SESN2: variants seen among roughly 807,000 people sequenced by gnomAD.
The protein encoded by SESN2 is sestrin-2.
SESN2 carries 42 observed loss-of-function variants against 56.0 expected under a neutral mutation model. That is an observed-to-expected ratio of 0.75 (90% confidence interval 0.59 to 0.97). The LOEUF is 0.97. Ranked by LOEUF, SESN2 falls within the 50% of genes least tolerant of loss-of-function variation. The probability of loss-of-function intolerance (pLI) is 0.00; values close to 1 mark genes in which losing one functional copy is unlikely to be tolerated. For missense variants in SESN2, 507 were observed against 649.4 expected (o/e 0.78, Z 2.38); for synonymous variants, 264 against 267.1 (o/e 0.99, Z 0.11).
rs200768868 is a variant in SESN2 at position 28,280,694 on chromosome 1, C to T, written c.1357-22C>T. The T allele has an allele frequency of 3.7e-6, 6 of 1,602,568 alleles. No individual in the cohort carries two copies. The East Asian group carries it at 1.3e-4, about 36-fold the overall frequency. On this transcript the variant is annotated intron_variant, in intron 9 of 9. Transcript: ENST00000253063. ...GGTGAGGAGTGACATCAGTTGCCAA[C>T]ATGCCTTCCTCTGTGCCCCAGGTCC... is the stretch of plus-strand genomic sequence containing the variant.
chr1:28,268,145 G>A (rs1647623194), intron 1 of SESN2, among the ~76,000 whole-genome samples: 1 of 152,180 alleles, frequency 6.6e-6, no homozygotes, highest in Non-Finnish European at 1.5e-5. Context: ...ACTGGGTAGA[G>A]GATGGATAGG....
At position 28,279,270 on chromosome 1, in the gene SESN2, G is replaced by GA. The variant is rs764983582; in HGVS notation, c.1356+31dup. The GA allele has an allele frequency of 8.1e-6, 13 of 1,612,694 alleles. No homozygotes were observed. The Admixed American group carries it at 2.2e-4, about 27-fold the overall frequency. Reference sequence around the variant, plus strand: ...TGACCTATACAGGCAGGGCAGGATGGAAGTAGACAGGCCAAGCCAGTGGAG... The same window carrying GA: ...TGACCTATACAGGCAGGGCAGGATGGAAAGTAGACAGGCCAAGCCAGTGGAG... On this transcript the variant is annotated intron_variant, in intron 9 of 9. Coordinates refer to ENST00000253063, the MANE Select transcript of SESN2 (RefSeq NM_031459.5).
At chr1:28,273,822 A>G (rs1241070960) in intron 6 of SESN2, among the ~76,000 whole-genome samples, 2 of 152,068 alleles carry the variant, frequency 1.3e-5, no homozygotes, top group Admixed American at 6.5e-5. Flanking sequence ...AACTGCCACT[A>G]TTGTTGTTAC....
At chr1:28,272,521 C>T in intron 4 of SESN2, 55 bp downstream of exon 4, 1 of 1,609,120 alleles carries the variant, frequency 6.2e-7, no homozygotes, top group Non-Finnish European at 8.5e-7. Context: ...TGGCTGGTGC[C>T]TGGTGGGTAA....
intron 9 of SESN2, 121 bp from the exon 10 acceptor site, chr1:28,280,595 T>A: frequency 1.3e-6 from 1 of 759,080 alleles, no homozygotes; most frequent in Non-Finnish European, 2.3e-6. Context: ...TAGCAGATGC[T>A]GGGGCAGCTC....
Position 28,259,806 on chromosome 1 carries a change from C to T in SESN2, c.-42C>T, listed in dbSNP as rs1647304315. 2 of 1,349,266 alleles carry T rather than the reference C, an allele frequency of 1.5e-6. No homozygotes were observed. The highest frequency in any genetic ancestry group is 1.9e-6 in the Non-Finnish European group (2 of 1,044,328). 83.6% of individuals were successfully genotyped at this position (1,349,266 alleles called of 1,614,324 possible). The stretch of plus-strand genomic sequence containing the variant: ...CGTCCCTCCGAAACCCACTCGGGTG[C>T]ACGGGTCGTCGGCGAGCCGCGACCG... On this transcript the variant is annotated 5_prime_UTR_variant, in exon 1 of 10. Transcript: ENST00000253063.
At chr1:28,272,009 T>G in intron 3 of SESN2, 138 bp downstream of exon 3, 1 of 930,870 alleles carries the variant, frequency 1.1e-6, no homozygotes, top group Non-Finnish European at 1.6e-6. Context: ...TGTAGAGTTT[T>G]GGGTTTTTTG....
At chr1:28,266,982 G>C (rs1003451371) in intron 1 of SESN2, among the ~76,000 whole-genome samples, 1 of 152,170 alleles carries the variant, frequency 6.6e-6, no homozygotes, top group African/African-American at 2.4e-5. Context: ...AGTGAGTTGG[G>C]ATTCCCAAGG....
At position 28,280,901 on chromosome 1, in the gene SESN2, C is replaced by T. The variant is rs1221299098; in HGVS notation, c.*99C>T. The T allele has an allele frequency of 1.1e-5, 10 of 871,590 alleles. No individual in the cohort carries two copies. Among genetic ancestry groups the T allele is most frequent in the South Asian group, 4.2e-5 (3 of 71,118 alleles). The allele number at this position is 871,590 out of a possible 1,614,324, so 54.0% of individuals were successfully genotyped here. A position where few individuals can be genotyped will look rare whatever the true frequency, so the allele number is the denominator to read the frequency against. The stretch of plus-strand genomic sequence containing the variant: ...TTGTGTCCCATGCCCACCCTCCCCA[C>T]GCTGCAGTGGGCTTGTGTGTGATGT... On this transcript the variant is annotated 3_prime_UTR_variant, in exon 10 of 10. Coordinates refer to ENST00000253063, the MANE Select transcript of SESN2 (RefSeq NM_031459.5).
Position 28,272,274 on chromosome 1 carries a change from A to G in SESN2, c.355-10A>G, listed in dbSNP as rs1572095559. The G allele has an allele frequency of 1.2e-6, 2 of 1,612,916 alleles. No individual in the cohort carries two copies. Among genetic ancestry groups the G allele is most frequent in the East Asian group, 2.2e-5 (1 of 44,854 alleles). ...GAGGGTGACTCAGGCTGTGTCCACTACCTCCGCAGGCTGCCGCCCGCCATC... is the reference window on the plus strand; with the variant it reads ...GAGGGTGACTCAGGCTGTGTCCACTGCCTCCGCAGGCTGCCGCCCGCCATC... On this transcript the variant is annotated splice_polypyrimidine_tract_variant and intron_variant, in intron 3 of 9. Coordinates refer to ENST00000253063, the MANE Select transcript of SESN2 (RefSeq NM_031459.5).
chr1:28,272,006 T>G (rs1181043596), intron 3 of SESN2, 135 bp downstream of exon 3: 1 of 923,516 alleles, frequency 1.1e-6, no homozygotes, highest in Non-Finnish European at 1.6e-6. Context: ...AACTGTAGAG[T>G]TTTGGGTTTT....
Position 28,275,098 on chromosome 1 carries a change from G to GT in SESN2, c.1211+90dup, listed in dbSNP as rs564531718. On this transcript the variant is annotated intron_variant, in intron 8 of 9. Transcript: ENST00000253063. ...TCACAGTTGTTTCCATTTTCTTTTT[G>GT]TTTTTTTCTTTTCCTTTCTTCTTGC... The GT allele has an allele frequency of 3.4e-5, 36 of 1,048,196 alleles. No homozygotes were observed. The East Asian group carries it at 5.7e-4, about 17-fold the overall frequency. 64.9% of individuals were successfully genotyped at this position (1,048,196 alleles called of 1,614,324 possible).
rs1250290941 is a variant in SESN2 at position 28,272,561 on chromosome 1, T to TC, written c.538-14dup. Reference sequence around the variant, plus strand: ...GGGCAGGCACTGAGCAGCTCTGACCTCCCCCCTTGTCCCTTCCAGGCCTTG... The same window carrying TC: ...GGGCAGGCACTGAGCAGCTCTGACCTCCCCCCCTTGTCCCTTCCAGGCCTTG... On this transcript the variant is annotated intron_variant, in intron 4 of 9. Coordinates refer to ENST00000253063, the MANE Select transcript of SESN2 (RefSeq NM_031459.5). 2 of 1,612,680 alleles carry TC rather than the reference T, an allele frequency of 1.2e-6. No individual in the cohort carries two copies.
intron 1 of SESN2, among the ~76,000 whole-genome samples, chr1:28,263,149 C>T (rs991864975): frequency 1.1e-4 from 17 of 152,218 alleles, no homozygotes; most frequent in Non-Finnish European, 2.5e-4. Context: ...CTAGTTGCCC[C>T]TTGCTGGCTT....
At chr1:28,275,900 A>G (rs1285077352) in intron 8 of SESN2, among the ~76,000 whole-genome samples, 5 of 152,060 alleles carry the variant, frequency 3.3e-5, no homozygotes, top group Non-Finnish European at 5.9e-5. Context: ...ACAAAAAATT[A>G]AAAAATTTGC....
In SESN2 at chr1:28,264,187, C is replaced by T. The variant is rs539359474; in HGVS notation, c.90+4250C>T. Among the ~76,000 whole-genome samples the T allele has an allele frequency of 7.2e-5, 11 of 151,944 alleles. No homozygotes were observed. In the South Asian group the frequency reaches 1.2e-3, roughly 17 times the overall value. The stretch of plus-strand genomic sequence containing the variant: ...TACAAAAATTAGCCGGGCTTGGTGG[C>T]GCATGCCTATACTCCCAGCTACTTA... On this transcript the variant is annotated intron_variant, in intron 1 of 9. Transcript: ENST00000253063.
chr1:28,280,662 G>A lies in SESN2; in HGVS notation c.1357-54G>A. 3 of 1,374,118 alleles carry A rather than the reference G, an allele frequency of 2.2e-6. No individual in the cohort carries two copies. The South Asian group carries it at 3.5e-5, about 16-fold the overall frequency. The allele number at this position is 1,374,118 out of a possible 1,614,324, so 85.1% of individuals were successfully genotyped here. A position where few individuals can be genotyped will look rare whatever the true frequency, so the allele number is the denominator to read the frequency against. ...CAGGGATCAAGGCAGTCTGGGAGGG[G>A]TGTGGGGGTGAGGAGTGACATCAGT... On this transcript the variant is annotated intron_variant, in intron 9 of 9. Coordinates refer to ENST00000253063, the MANE Select transcript of SESN2 (RefSeq NM_031459.5).
chr1:28,271,653 C>T lies in SESN2; in HGVS notation c.157-21C>T, dbSNP rs749545246. 8.7e-6 allele frequency: 14 copies of T among 1,603,352 alleles called. No individual in the cohort carries two copies. The African/African-American group carries it at 1.1e-4, about 12-fold the overall frequency. On this transcript the variant is annotated intron_variant, in intron 2 of 9. Coordinates refer to ENST00000253063, the MANE Select transcript of SESN2 (RefSeq NM_031459.5). ...GTGGGGCAGGAGGGAAACCCATGCT[C>T]TCCTCCCCTTTGGTTGGCAGGTCCT...
chr1:28,259,787 T>C lies in SESN2; in HGVS notation c.-61T>C. ...AGTCCCGGCTTCATTCGGGCGTCCC[T>C]CCGAAACCCACTCGGGTGCACGGGT... On this transcript the variant is annotated 5_prime_UTR_variant, in exon 1 of 10. Coordinates refer to ENST00000253063, the MANE Select transcript of SESN2 (RefSeq NM_031459.5). 7.8e-7 allele frequency: 1 copy of C among 1,284,854 alleles called. No individual in the cohort carries two copies. Among genetic ancestry groups the C allele is most frequent in the South Asian group, 1.8e-5 (1 of 56,174 alleles). 79.6% of individuals were successfully genotyped at this position (1,284,854 alleles called of 1,614,324 possible).
Sources: gnomAD v4.1 joint callset for allele counts (sites outside exome capture counted in the v4.1 genomes callset) on GRCh38, gnomAD v4.1.1 for gene constraint, MANE v1.5 for transcripts, NCBI Gene and HGNC (gene_info 2026-07-23, HGNC 2026-07-21) for gene names.